SYT1: variants seen among roughly 807,000 people sequenced by gnomAD.
The protein encoded by SYT1 is synaptotagmin 1.
Under a neutral mutation model 44.8 loss-of-function variants are expected in SYT1, and 8 were observed. That is an observed-to-expected ratio of 0.18 (90% CI 0.10 to 0.32). The LOEUF is 0.32. Ranked by LOEUF, SYT1 falls within the 10% of genes least tolerant of loss-of-function variation. The pLI is 1.00. For missense variants in SYT1, 286 were observed against 509.3 expected (o/e 0.56, Z 4.22); for synonymous variants, 154 against 188.8 (o/e 0.82, Z 1.51).
intron 4 of SYT1, among the ~76,000 whole-genome samples, chr12:79,271,370 C>A (rs1171123931): frequency 6.6e-6 from 1 of 152,074 alleles, no homozygotes; most frequent in Non-Finnish European, 1.5e-5. Flanking sequence ...TGTTAGTTGG[C>A]TTCACAATAG....
chr12:78,935,210 T>A (rs1193840265), intron 1 of SYT1, among the ~76,000 whole-genome samples: 1 of 152,212 alleles, frequency 6.6e-6, no homozygotes. Flanking sequence ...TCCCGTCCCC[T>A]CGGTAGCACT....
At chr12:79,378,953 A>T (rs1388805966) in intron 9 of SYT1, among the ~76,000 whole-genome samples, 1 of 152,188 alleles carries the variant, frequency 6.6e-6, no homozygotes, top group East Asian at 1.9e-4. Context: ...TCCAAAATCG[A>T]TAGAAAAATT....
chr12:79,418,557 A>G (rs565916956), intron 9 of SYT1, among the ~76,000 whole-genome samples: 8 of 152,290 alleles, frequency 5.3e-5, no homozygotes, highest in African/African-American at 1.7e-4. Context: ...CCCCCACTGC[A>G]TAGCACAGCC....
chr12:79,284,564 G>T (rs1368862196), intron 4 of SYT1, among the ~76,000 whole-genome samples: 1 of 152,102 alleles, frequency 6.6e-6, no homozygotes, highest in Non-Finnish European at 1.5e-5. Flanking sequence ...TTGGCCAGGT[G>T]TGGTGGTTCA....
intron 3 of SYT1, among the ~76,000 whole-genome samples, chr12:79,059,089 G>A (rs1403622830): frequency 6.6e-6 from 1 of 151,986 alleles, no homozygotes; most frequent in African/African-American, 2.4e-5. Flanking sequence ...GGGGTCAAAG[G>A]CACATCTTAC....
intron 1 of SYT1, among the ~76,000 whole-genome samples, chr12:78,944,137 A>C (rs1878530148): frequency 6.6e-6 from 1 of 151,824 alleles, no homozygotes; most frequent in Admixed American, 6.6e-5. Context: ...TCTGGGAAGG[A>C]ATATACGCTA....
intron 3 of SYT1, among the ~76,000 whole-genome samples, chr12:79,095,089 A>T (rs1878034873): frequency 6.6e-6 from 1 of 151,942 alleles, no homozygotes; most frequent in Non-Finnish European, 1.5e-5. Flanking sequence ...CAAAATGTTT[A>T]AAAAAGACAA....
At chr12:78,929,806 A>G (rs1208378909) in intron 1 of SYT1, among the ~76,000 whole-genome samples, 1 of 152,198 alleles carries the variant, frequency 6.6e-6, no homozygotes, top group Non-Finnish European at 1.5e-5. Flanking sequence ...TGCAAATAGC[A>G]AGATACGTCT....
At position 78,994,534 on chromosome 12, in the gene SYT1, ATT is replaced by A. The variant is rs1158976321; in HGVS notation, c.-84+16622_-84+16623del. On this transcript the variant is annotated intron_variant, in intron 2 of 10. Transcript: ENST00000261205. Reference sequence around the variant, plus strand: ...TTGGTGAGCATCCTTTGTTCTGAGGATTTTTTTTTTTTTTTTTTTTGAGATGG... The same window carrying A: ...TTGGTGAGCATCCTTTGTTCTGAGGATTTTTTTTTTTTTTTTTTGAGATGG... 4.3e-3 allele frequency among the ~76,000 whole-genome samples: 240 copies of A among 55,572 alleles called. 1 individual carries two copies. Among genetic ancestry groups the A allele is most frequent in the African/African-American group, 0.016 (224 of 13,612 alleles). The allele number at this position is 55,572 out of a possible 152,430, so 36.5% of individuals were successfully genotyped here. A position where few individuals can be genotyped will look rare whatever the true frequency, so the allele number is the denominator to read the frequency against.
chr12:79,089,386 A>G (rs1877614367), intron 3 of SYT1, among the ~76,000 whole-genome samples: 1 of 151,822 alleles, frequency 6.6e-6, no homozygotes. Context: ...GTGTTTTGCT[A>G]TCCCACCAAA....
chr12:79,211,444 T>TTA (rs1565857401), intron 3 of SYT1, among the ~76,000 whole-genome samples: 1 of 151,892 alleles, frequency 6.6e-6, no homozygotes, highest in Non-Finnish European at 1.5e-5. Flanking sequence ...CTTTCTTTTT[T>TTA]TTATTATTAT....
chr12:79,220,053 G>T (rs1874682024), intron 4 of SYT1, among the ~76,000 whole-genome samples: 1 of 151,854 alleles, frequency 6.6e-6, no homozygotes, highest in South Asian at 2.1e-4. Context: ...AAGATATAAG[G>T]TCTTCACTTA....
At chr12:79,361,670 A>G (rs1206159935) in intron 9 of SYT1, among the ~76,000 whole-genome samples, 1 of 152,226 alleles carries the variant, frequency 6.6e-6, no homozygotes, top group Admixed American at 6.5e-5. Flanking sequence ...AAAGGACTGT[A>G]TCAGTTTCTC....
At chr12:78,937,439 A>G (rs1012895096) in intron 1 of SYT1, among the ~76,000 whole-genome samples, 2 of 152,180 alleles carry the variant, frequency 1.3e-5, no homozygotes, top group African/African-American at 4.8e-5. Flanking sequence ...ATCTTAAATC[A>G]GTGAGATTGC....
chr12:79,266,075 A>G (rs1878109489), intron 4 of SYT1, among the ~76,000 whole-genome samples: 1 of 152,194 alleles, frequency 6.6e-6, no homozygotes, highest in South Asian at 2.1e-4. Context: ...CCATGCTTAC[A>G]CTATAGGTAA....
At chr12:79,023,579 A>C (rs555387178) in intron 2 of SYT1, among the ~76,000 whole-genome samples, 2 of 151,900 alleles carry the variant, frequency 1.3e-5, no homozygotes, top group Non-Finnish European at 2.9e-5. Flanking sequence ...AGATATTGAG[A>C]AACCAGCCTG....
intron 3 of SYT1, among the ~76,000 whole-genome samples, chr12:79,155,483 CATT>C (rs1272133214): frequency 4.6e-5 from 7 of 152,280 alleles, no homozygotes; most frequent in Non-Finnish European, 8.8e-5. Flanking sequence ...TCTCTGTTGA[CATT>C]ATATTCTTTT....
At chr12:78,932,518 A>G (rs1877812145) in intron 1 of SYT1, among the ~76,000 whole-genome samples, 1 of 152,240 alleles carries the variant, frequency 6.6e-6, no homozygotes, top group Non-Finnish European at 1.5e-5. Context: ...ATGAGCTGTC[A>G]GTTTTAAATA....
chr12:78,979,218 G>A (rs532916478), intron 2 of SYT1, among the ~76,000 whole-genome samples: 27 of 152,238 alleles, frequency 1.8e-4, no homozygotes, highest in African/African-American at 6.0e-4. Context: ...ATTTTACAAT[G>A]AAGGGCAGGT....
Sources: gnomAD v4.1 joint callset for allele counts (sites outside exome capture counted in the v4.1 genomes callset) on GRCh38, gnomAD v4.1.1 for gene constraint, MANE v1.5 for transcripts, NCBI Gene and HGNC (gene_info 2026-07-23, HGNC 2026-07-21) for gene names.